The following FRAS1 variants were observed in gnomAD, a reference collection of about 807,000 sequenced individuals.
The protein encoded by FRAS1 is Fraser extracellular matrix complex subunit 1, also known as extracellular matrix organizing protein FRAS1.
In FRAS1, 290 loss-of-function variants were observed where a neutral mutation model predicts 435.2. The observed-to-expected ratio is 0.67, with a 90% CI of 0.61 to 0.73. The LOEUF (loss-of-function observed/expected upper bound fraction) is 0.73, where lower values mean the gene tolerates loss of function less well. Ranked by LOEUF, FRAS1 falls within the 30% of genes least tolerant of loss-of-function variation. FRAS1 has a pLI of 0.00. For missense variants in FRAS1, 4,860 were observed against 5,001.5 expected, an observed-to-expected ratio of 0.97 and a Z score of 0.85; for synonymous variants, 1,800 against 1,851.0, an observed-to-expected ratio of 0.97 and a Z score of 0.71.
chr4:78,486,830 ATTTTTTTTTTTT>A (rs67268640), intron 58 of FRAS1, among the ~76,000 whole-genome samples: 1 of 123,548 alleles, frequency 8.1e-6, no homozygotes, highest in African/African-American at 3.0e-5. Context: ...CTCTCTCTCT[ATTTTTTTTTTTT>A]TTTTTTTTGG....
chr4:78,197,184 C>G (rs1722852813), intron 2 of FRAS1, among the ~76,000 whole-genome samples: 1 of 152,194 alleles, frequency 6.6e-6, no homozygotes, highest in Non-Finnish European at 1.5e-5. Context: ...TTACCCCACA[C>G]TTCCTGTAAA....
chr4:78,167,575 G>A (rs1368675885), intron 2 of FRAS1, among the ~76,000 whole-genome samples: 1 of 151,946 alleles, frequency 6.6e-6, no homozygotes, highest in East Asian at 1.9e-4. Context: ...CTTACTATGT[G>A]ATAAGCTCAG....
intron 4 of FRAS1, among the ~76,000 whole-genome samples, chr4:78,250,657 C>T (rs536431690): frequency 6.6e-6 from 1 of 152,092 alleles, no homozygotes; most frequent in South Asian, 2.1e-4. Context: ...AGGGGAAATA[C>T]CACAGATACT....
In FRAS1 at chr4:78,445,677, C is replaced by T; in HGVS notation, c.5821C>T (p.Arg1941Cys). ...TTTTTATGTGAGTGATGGAACCAGT[C>T]GTTCAGAAATTCACAGCATCAATAT... ...FSFYVSDGTS[R>C]SEIHSINITI... is the part of the protein sequence containing the mutation. The change falls in exon 42 of 74, where the codon CGT becomes TGT. Residue 1941 changes from arginine (R) to cysteine (C), a missense_variant. By Grantham distance (180) the Arg-to-Cys change is radical (BLOSUM62 -3). Transcript: ENST00000512123. 1 of 1,613,798 alleles carries T rather than the reference C, an allele frequency of 6.2e-7. No homozygotes were observed. Among genetic ancestry groups the T allele is most frequent in the Non-Finnish European group, 8.5e-7 (1 of 1,179,798 alleles).
intron 41 of FRAS1, among the ~76,000 whole-genome samples, 186 bp downstream of exon 41, chr4:78,441,483 G>C (rs1218447490): frequency 6.6e-6 from 1 of 152,144 alleles, no homozygotes; most frequent in Admixed American, 6.5e-5. Flanking sequence ...TCTGTGTGCG[G>C]GGAACTTATT....
At chr4:78,290,185 T>C (rs1478494487) in intron 14 of FRAS1, among the ~76,000 whole-genome samples, 2 of 152,186 alleles carry the variant, frequency 1.3e-5, no homozygotes, top group Non-Finnish European at 2.9e-5. Flanking sequence ...AGGTTAAAAT[T>C]ATAAGGTTAC....
chr4:78,433,160 G>GA (rs1734278133), intron 38 of FRAS1, among the ~76,000 whole-genome samples: 1 of 152,156 alleles, frequency 6.6e-6, no homozygotes, highest in Non-Finnish European at 1.5e-5. Context: ...GGAGGCCAAG[G>GA]AGAGGATCAA....
At chr4:78,439,934 C>T (rs1734587586) in intron 40 of FRAS1, among the ~76,000 whole-genome samples, 1 of 151,366 alleles carries the variant, frequency 6.6e-6, no homozygotes, top group Non-Finnish European at 1.5e-5. Flanking sequence ...CCTCCCTGCT[C>T]TATGTACATA....
intron 38 of FRAS1, 115 bp from the exon 39 acceptor site, chr4:78,438,453 AAG>A (rs1460420368): frequency 4.0e-6 from 4 of 987,938 alleles, no homozygotes; most frequent in Non-Finnish European, 6.1e-6. Context: ...CTTTAAGACA[AAG>A]AGAAAGAGAC....
At chr4:78,524,011 AC>A (rs1194129892) in intron 69 of FRAS1, among the ~76,000 whole-genome samples, 5 of 152,164 alleles carry the variant, frequency 3.3e-5, no homozygotes, top group Admixed American at 3.3e-4. Flanking sequence ...CTCCTCTGAG[AC>A]CCAGCCCAGC....
Position 78,433,144 on chromosome 4 carries a change from T to C in FRAS1, c.5217+540T>C, listed in dbSNP as rs79238658. Among the ~76,000 whole-genome samples the C allele has an allele frequency of 4.6e-5, 7 of 152,324 alleles. No individual in the cohort carries two copies. In the East Asian group the frequency reaches 1.4e-3, roughly 29 times the overall value. On this transcript the variant is annotated intron_variant, in intron 38 of 73. Coordinates refer to ENST00000512123, the MANE Select transcript of FRAS1 (RefSeq NM_025074.7). ...TTCTTTTGCCCCACAAGAAGCAGTG[T>C]AATTAGGAGGCCAAGGAGAGGATCA...
chr4:78,175,241 T>C (rs1721716984), intron 2 of FRAS1, among the ~76,000 whole-genome samples: 2 of 152,188 alleles, frequency 1.3e-5, no homozygotes, highest in Non-Finnish European at 2.9e-5. Context: ...TCCCATTAAT[T>C]AACACATTTT....
chr4:78,142,728 T>C (rs2110000315), intron 2 of FRAS1, among the ~76,000 whole-genome samples: 1 of 152,258 alleles, frequency 6.6e-6, no homozygotes, highest in East Asian at 1.9e-4. Flanking sequence ...GTTCATAATT[T>C]GGGAGGGGGT....
Position 78,255,294 on chromosome 4 carries a change from G to A in FRAS1, c.522G>A (p.Leu174=). The A allele has an allele frequency of 1.3e-6, 2 of 1,558,584 alleles. No homozygotes were observed. Among genetic ancestry groups the A allele is most frequent in the South Asian group, 1.2e-5 (1 of 84,530 alleles). Residue 174 remains leucine (L), a synonymous_variant, in exon 6 of 74, where the codon CTG becomes CTA. Transcript: ENST00000512123. ...HVFQDGEDWR[L]SRCAKCLCRN... is the part of the protein sequence containing the mutation. ...TTCAGGATGGGGAGGACTGGCGGCT[G>A]AGCCGGTGTGCCAAATGTCTGTGTA...
intron 14 of FRAS1, among the ~76,000 whole-genome samples, chr4:78,305,768 G>A (rs57907079): frequency 0.042 from 6,323 of 151,824 alleles, 370 homozygotes; most frequent in African/African-American, 0.13. Flanking sequence ...CTGCACATGA[G>A]ATGGGTTTCC....
chr4:78,212,198 T>C (rs1429904210), intron 2 of FRAS1, among the ~76,000 whole-genome samples: 1 of 152,188 alleles, frequency 6.6e-6, no homozygotes, highest in Admixed American at 6.5e-5. Flanking sequence ...ATGTAAAATT[T>C]GAAAATTGTC....
chr4:78,244,794 A>C (rs965632511), intron 3 of FRAS1, among the ~76,000 whole-genome samples: 1 of 152,254 alleles, frequency 6.6e-6, no homozygotes, highest in South Asian at 2.1e-4. Flanking sequence ...TCCCAGGTAA[A>C]AGTTACCTAT....
intron 14 of FRAS1, among the ~76,000 whole-genome samples, chr4:78,300,127 A>C (rs190731452): frequency 6.6e-6 from 1 of 152,312 alleles, no homozygotes; most frequent in African/African-American, 2.4e-5. Flanking sequence ...TCAGTAATGA[A>C]AGGGTGGTAG....
intron 2 of FRAS1, among the ~76,000 whole-genome samples, chr4:78,227,181 A>G (rs536277593): frequency 6.6e-6 from 1 of 152,322 alleles, no homozygotes; most frequent in Admixed American, 6.5e-5. Flanking sequence ...TTATTACATC[A>G]TGATAAAGTA....
Sources: gnomAD v4.1 joint callset for allele counts (sites outside exome capture counted in the v4.1 genomes callset) on GRCh38, gnomAD v4.1.1 for gene constraint, MANE v1.5 for transcripts, NCBI Gene and HGNC (gene_info 2026-07-23, HGNC 2026-07-21) for gene names.